PCSK5: variants seen among roughly 807,000 people sequenced by gnomAD.
PCSK5 encodes prohormone convertase 5.
In PCSK5, 129 loss-of-function variants were observed where a neutral mutation model predicts 233.2. That is an observed-to-expected ratio of 0.55 (90% CI 0.48 to 0.64). The LOEUF (loss-of-function observed/expected upper bound fraction) is 0.64, where lower values mean the gene tolerates loss of function less well. Among genes scored for constraint, PCSK5 ranks in the 30% least tolerant of loss-of-function variants. The pLI is 0.00. For synonymous variants in PCSK5, 825 were observed against 879.2 expected (o/e 0.94, Z 1.09); for missense variants, 2,076 against 2,430.1 (o/e 0.85, Z 3.06).
At chr9:76,109,402 A>T (rs377693150) in intron 9 of PCSK5, among the ~76,000 whole-genome samples, 2 of 150,624 alleles carry the variant, frequency 1.3e-5, no homozygotes, top group South Asian at 4.3e-4. Flanking sequence ...GGTGATACTC[A>T]GCTCTTTGAG....
At chr9:76,068,456 G>GT (rs1023207725) in intron 6 of PCSK5, among the ~76,000 whole-genome samples, 7 of 151,162 alleles carry the variant, frequency 4.6e-5, no homozygotes, top group South Asian at 4.2e-4. Context: ...TTTTGTTTTT[G>GT]TTTTTTTTCC....
At chr9:76,134,260 T>G in intron 10 of PCSK5, 48 bp downstream of exon 10, 1 of 1,210,270 alleles carries the variant, frequency 8.3e-7, no homozygotes, top group Non-Finnish European at 1.2e-6. Context: ...TTTTTATTTT[T>G]CCCCCATTTT....
intron 1 of PCSK5, among the ~76,000 whole-genome samples, chr9:75,926,770 G>T (rs899747693): frequency 6.6e-6 from 1 of 151,642 alleles, no homozygotes; most frequent in Non-Finnish European, 1.5e-5. Context: ...TTCATTACTG[G>T]GTATCATTCT....
At chr9:75,965,905 C>T (rs935387071) in intron 2 of PCSK5, among the ~76,000 whole-genome samples, 1 of 152,162 alleles carries the variant, frequency 6.6e-6, no homozygotes, top group African/African-American at 2.4e-5. Flanking sequence ...CACCCGAGGG[C>T]TACAGATTAC....
At chr9:76,180,028 T>G (rs1587724849) in intron 15 of PCSK5, among the ~76,000 whole-genome samples, 1 of 145,730 alleles carries the variant, frequency 6.9e-6, no homozygotes, top group African/African-American at 2.5e-5. Context: ...AATTGACAAG[T>G]AAAAACTGCA....
intron 3 of PCSK5, among the ~76,000 whole-genome samples, chr9:76,002,081 A>G (rs563172399): frequency 6.6e-6 from 1 of 152,362 alleles, no homozygotes; most frequent in Admixed American, 6.5e-5. Flanking sequence ...TAATGATTTT[A>G]TTCATTCAAC....
At chr9:75,974,277 G>A (rs1159498523) in intron 2 of PCSK5, among the ~76,000 whole-genome samples, 2 of 152,146 alleles carry the variant, frequency 1.3e-5, no homozygotes. Context: ...GCTCCAGCCG[G>A]TGCACTCATT....
intron 3 of PCSK5, among the ~76,000 whole-genome samples, chr9:76,011,186 T>C (rs186901889): frequency 1.3e-5 from 2 of 152,358 alleles, no homozygotes; most frequent in African/African-American, 4.8e-5. Context: ...TTGCTCATTA[T>C]ACTCCAGGGT....
intron 5 of PCSK5, among the ~76,000 whole-genome samples, chr9:76,064,180 GGGGCT>G: frequency 8.5e-6 from 1 of 118,254 alleles, no homozygotes; most frequent in African/African-American, 4.2e-5. Context: ...GGCCAGGCGG[GGGGCT>G]GACCCCCCCA....
intron 2 of PCSK5, among the ~76,000 whole-genome samples, chr9:75,968,244 A>C (rs777122827): frequency 6.6e-6 from 1 of 152,232 alleles, no homozygotes; most frequent in Non-Finnish European, 1.5e-5. Flanking sequence ...GCAAGGAACA[A>C]CTGTGTCCAA....
At chr9:76,087,220 G>T (rs1488204822) in intron 7 of PCSK5, among the ~76,000 whole-genome samples, 2 of 152,224 alleles carry the variant, frequency 1.3e-5, no homozygotes, top group Non-Finnish European at 2.9e-5. Flanking sequence ...TGAAGAAAGG[G>T]CATCTCCGAT....
At chr9:76,335,310 G>T (rs563046946) in intron 34 of PCSK5, among the ~76,000 whole-genome samples, 1 of 152,140 alleles carries the variant, frequency 6.6e-6, no homozygotes, top group Non-Finnish European at 1.5e-5. Context: ...CAGGGCTGGT[G>T]GGGGGAGGCA....
intron 28 of PCSK5, among the ~76,000 whole-genome samples, chr9:76,307,882 A>G (rs1010177031): frequency 6.6e-6 from 1 of 152,170 alleles, no homozygotes; most frequent in African/African-American, 2.4e-5. Context: ...TGAATTGTCA[A>G]TTATCATCTT....
rs190110052 is a variant in PCSK5 at position 75,928,052 on chromosome 9, T to G, written c.193-4327T>G. Among the ~76,000 whole-genome samples the G allele has an allele frequency of 8.5e-3, 1,301 of 152,184 alleles. 29 individuals carry two copies. The highest frequency in any genetic ancestry group is 5.8e-3 in the Non-Finnish European group (395 of 68,008). ...TTCAGGAAGAAAAAGCACAAAAACT[T>G]GACAGAATTAGGAACAAGAGATGAC... On this transcript the variant is annotated intron_variant, in intron 1 of 37. Transcript: ENST00000674117.
rs185926487 is a variant in PCSK5 at position 76,295,408 on chromosome 9, T to G, written c.3319T>G (p.Leu1107Val). ...CTGGTGTGAAGAGGGCTTCTTTCTCTTAGGTAAGTTAGAAAATGGCACCAT... is the reference window on the plus strand; with the variant it reads ...CTGGTGTGAAGAGGGCTTCTTTCTCGTAGGTAAGTTAGAAAATGGCACCAT... Reference protein sequence around the residue: ...CYWCEEGFFLLGGSCVRKCGP... With the variant: ...CYWCEEGFFLVGGSCVRKCGP... Residue 1107 changes from leucine (L) to valine (V), a missense_variant, in exon 26 of 38, where the codon TTA (leucine) becomes GTA (valine). Leu to Val is a conservative substitution (Grantham distance 32). Around this residue, in one of 6 missense-constraint regions of PCSK5, gnomAD observed 1,510 missense variants for 1,538.1 expected, o/e 0.98. Coordinates refer to ENST00000674117, the MANE Select transcript of PCSK5 (RefSeq NM_001372043.1). 1.9e-6 allele frequency: 3 copies of G among 1,611,932 alleles called. No individual in the cohort carries two copies. The East Asian group carries it at 6.7e-5, about 36-fold the overall frequency.
At chr9:76,343,805 C>T (rs949847992) in intron 35 of PCSK5, among the ~76,000 whole-genome samples, 1 of 152,114 alleles carries the variant, frequency 6.6e-6, no homozygotes, top group African/African-American at 2.4e-5. Context: ...TTACTTAAGG[C>T]ACAATGTTCT....
chr9:76,238,216 C>T (rs1324010127), intron 22 of PCSK5, among the ~76,000 whole-genome samples: 1 of 152,170 alleles, frequency 6.6e-6, no homozygotes, highest in Non-Finnish European at 1.5e-5. Flanking sequence ...TTTTTGTATT[C>T]CTAACGGATT....
At chr9:76,263,034 C>G (rs1827227886) in intron 24 of PCSK5, among the ~76,000 whole-genome samples, 1 of 152,048 alleles carries the variant, frequency 6.6e-6, no homozygotes, top group Non-Finnish European at 1.5e-5. Context: ...AAAATGCTCA[C>G]CTTCACTGGC....
intron 5 of PCSK5, among the ~76,000 whole-genome samples, chr9:76,058,884 C>G (rs1033371599): frequency 6.6e-6 from 1 of 152,106 alleles, no homozygotes; most frequent in Non-Finnish European, 1.5e-5. Flanking sequence ...GTAGCACACA[C>G]CTGTAGGCCC....
Sources: gnomAD v4.1 joint callset for allele counts (sites outside exome capture counted in the v4.1 genomes callset) on GRCh38, gnomAD v4.1.1 for gene constraint, gnomAD v4.1.1 regional missense constraint, MANE v1.5 for transcripts, NCBI Gene and HGNC (gene_info 2026-07-23, HGNC 2026-07-21) for gene names.